The following LRP1B variants were observed in gnomAD, a reference collection of about 807,000 sequenced individuals.
LRP1B encodes the protein LDL receptor related protein 1B, also known as low-density lipoprotein receptor-related protein 1B.
In LRP1B, 217 loss-of-function variants were observed where a neutral mutation model predicts 556.6. The observed-to-expected ratio is 0.39, with a 90% CI of 0.35 to 0.44. The LOEUF is 0.44. Among genes scored for constraint, LRP1B ranks in the 20% least tolerant of loss-of-function variants. LRP1B has a pLI of 1.00. For missense variants in LRP1B, 5,053 were observed against 5,620.8 expected (o/e 0.90, Z 3.23); for synonymous variants, 2,047 against 1,865.8 (o/e 1.10, Z -2.50).
chr2:141,529,207 G>A (rs11683772), intron 2 of LRP1B, among the ~76,000 whole-genome samples: 81,150 of 152,048 alleles, frequency 0.53, 22,583 homozygotes, highest in South Asian at 0.62. Context: ...GAAACTTTCC[G>A]ACTCTGGTTT....
intron 2 of LRP1B, among the ~76,000 whole-genome samples, chr2:141,680,629 C>T (rs1409861778): frequency 6.6e-6 from 1 of 152,070 alleles, no homozygotes; most frequent in African/African-American, 2.4e-5. Context: ...GTATGAGGCA[C>T]ATCCACAAAA....
At chr2:140,575,927 A>G (rs1450603401) in intron 43 of LRP1B, among the ~76,000 whole-genome samples, 2 of 147,328 alleles carry the variant, frequency 1.4e-5, no homozygotes, top group African/African-American at 5.0e-5. Flanking sequence ...TCTCAAAAAA[A>G]CAAAAAACAA....
intron 27 of LRP1B, among the ~76,000 whole-genome samples, chr2:140,856,700 A>G (rs1432742281): frequency 6.6e-6 from 1 of 151,908 alleles, no homozygotes; most frequent in Non-Finnish European, 1.5e-5. Flanking sequence ...TCACTCTCTG[A>G]GCTAGACAGG....
At chr2:141,838,398 T>C (rs1574414751) in intron 1 of LRP1B, among the ~76,000 whole-genome samples, 2 of 152,160 alleles carry the variant, frequency 1.3e-5, no homozygotes, top group African/African-American at 4.8e-5. Flanking sequence ...CTTCCTGTAC[T>C]AACTTTTGCA....
chr2:140,416,158 T>C (rs1685192149), intron 66 of LRP1B, among the ~76,000 whole-genome samples: 1 of 152,118 alleles, frequency 6.6e-6, no homozygotes, highest in South Asian at 2.1e-4. Flanking sequence ...CTGCCTCCTG[T>C]CTGATCAGCT....
chr2:140,928,547 T>A (rs1001654287), intron 20 of LRP1B, among the ~76,000 whole-genome samples: 2 of 152,086 alleles, frequency 1.3e-5, no homozygotes, highest in Non-Finnish European at 2.9e-5. Context: ...GGAAGATACA[T>A]CATTTCTGAT....
intron 27 of LRP1B, among the ~76,000 whole-genome samples, chr2:140,856,851 A>G (rs1481293819): frequency 6.6e-6 from 1 of 152,080 alleles, no homozygotes. Context: ...ATTCATATGC[A>G]TGTACGTAAA....
At chr2:142,093,575 TA>T (rs1706251879) in intron 1 of LRP1B, among the ~76,000 whole-genome samples, 1 of 152,026 alleles carries the variant, frequency 6.6e-6, no homozygotes, top group South Asian at 2.1e-4. Context: ...GACCTAGTAC[TA>T]GAAAACCAGA....
Position 142,094,745 on chromosome 2 carries a change from A to T in LRP1B, c.82+35903T>A, listed in dbSNP as rs140493276. On this transcript the variant is annotated intron_variant, in intron 1 of 90. Transcript: ENST00000389484. ...TCAGTCTCTTCATCTTAACTTATAT[A>T]TTAAATATAACTAAATATAATAAAT... is the stretch of plus-strand genomic sequence containing the variant. Among the ~76,000 whole-genome samples the T allele has an allele frequency of 2.3e-3, 352 of 151,832 alleles. 1 individual carries two copies. The highest frequency in any genetic ancestry group is 8.1e-3 in the African/African-American group (335 of 41,492).
intron 17 of LRP1B, among the ~76,000 whole-genome samples, chr2:140,984,463 T>C (rs1696861706): frequency 6.6e-6 from 1 of 152,108 alleles, no homozygotes; most frequent in Non-Finnish European, 1.5e-5. Context: ...ATATATTAAA[T>C]TTATCAAAAC....
chr2:141,526,182 A>T (rs1684688290), intron 2 of LRP1B, among the ~76,000 whole-genome samples: 1 of 152,058 alleles, frequency 6.6e-6, no homozygotes, highest in Non-Finnish European at 1.5e-5. Flanking sequence ...GACAATAGTT[A>T]GACATTTTCA....
At position 141,141,560 on chromosome 2, in the gene LRP1B, A is replaced by G. The variant is rs557985318; in HGVS notation, c.1013+46861T>C. On this transcript the variant is annotated intron_variant, in intron 7 of 90. Transcript: ENST00000389484. Reference sequence around the variant, plus strand: ...AATTTTTAAATCTTTCCTTTTGCCAAAGTTTTATCATCAACGATGATTGTG... The same window carrying G: ...AATTTTTAAATCTTTCCTTTTGCCAGAGTTTTATCATCAACGATGATTGTG... 1.6e-4 allele frequency among the ~76,000 whole-genome samples: 25 copies of G among 152,298 alleles called. 1 individual carries two copies. In the South Asian group the frequency reaches 3.1e-3, roughly 19 times the overall value.
chr2:141,255,284 C>T (rs74885274), intron 3 of LRP1B, among the ~76,000 whole-genome samples: 4,465 of 151,870 alleles, frequency 0.029, 100 homozygotes, highest in South Asian at 0.056. Context: ...AAATAAGATT[C>T]GCTAAACTAG....
chr2:140,893,814 T>G (rs114814756), intron 23 of LRP1B, among the ~76,000 whole-genome samples: 1 of 152,188 alleles, frequency 6.6e-6, no homozygotes, highest in Non-Finnish European at 1.5e-5. Context: ...GATGACTAAA[T>G]GAAGCGACAT....
intron 3 of LRP1B, among the ~76,000 whole-genome samples, chr2:141,434,791 G>C (rs1415797022): frequency 4.6e-5 from 7 of 152,108 alleles, no homozygotes; most frequent in Admixed American, 1.3e-4. Context: ...TTTGTTTAGT[G>C]ACTCAGCTAA....
chr2:141,818,916 C>T (rs986916952), intron 1 of LRP1B, among the ~76,000 whole-genome samples: 1 of 151,744 alleles, frequency 6.6e-6, no homozygotes, highest in Non-Finnish European at 1.5e-5. Context: ...CAATCATTCA[C>T]TCAAGTCTAA....
intron 41 of LRP1B, among the ~76,000 whole-genome samples, chr2:140,647,237 A>T (rs576346613): frequency 6.6e-6 from 1 of 152,282 alleles, no homozygotes; most frequent in East Asian, 1.9e-4. Context: ...ATGTTTTAAA[A>T]ATTATATTTT....
intron 2 of LRP1B, among the ~76,000 whole-genome samples, chr2:141,639,614 TA>T (rs923636616): frequency 5.3e-5 from 8 of 151,498 alleles, no homozygotes; most frequent in African/African-American, 1.9e-4. Flanking sequence ...TTTTCCTTTT[TA>T]AATATAATAA....
At chr2:141,984,330 G>GA (rs920416146) in intron 1 of LRP1B, among the ~76,000 whole-genome samples, 7 of 149,174 alleles carry the variant, frequency 4.7e-5, no homozygotes, top group Middle Eastern at 3.5e-3. Context: ...GGGAAAGGGG[G>GA]AAAAAAAAAG....
Sources: gnomAD v4.1 joint callset for allele counts (sites outside exome capture counted in the v4.1 genomes callset) on GRCh38, gnomAD v4.1.1 for gene constraint, MANE v1.5 for transcripts, NCBI Gene and HGNC (gene_info 2026-07-23, HGNC 2026-07-21) for gene names.